APTX: variants seen among roughly 807,000 people sequenced by gnomAD.
APTX encodes the protein forkhead-associated domain histidine triad-like protein.
In APTX, 33 loss-of-function variants were observed where a neutral mutation model predicts 42.3. That is an observed-to-expected ratio of 0.78 (90% CI 0.59 to 1.04). The LOEUF (loss-of-function observed/expected upper bound fraction) is 1.04. APTX is among the 50% of genes least tolerant of loss of function. The probability of loss-of-function intolerance (pLI) is 0.00; values close to 1 mark genes in which losing one functional copy is unlikely to be tolerated. For synonymous variants in APTX, 130 were observed against 146.7 expected, an observed-to-expected ratio of 0.89 and a Z score of 0.82; for missense variants, 421 against 415.1, an observed-to-expected ratio of 1.01 and a Z score of -0.12.
chr9:32,986,115 G>C, intron 4 of APTX, 85 bp from the exon 5 acceptor site: 1 of 1,254,222 alleles, frequency 8.0e-7, no homozygotes, highest in East Asian at 2.3e-5. Context: ...TTTGGCAACA[G>C]TTAATACTGT....
At chr9:33,020,797 A>T (rs1838310721) in intron 1 of APTX, among the ~76,000 whole-genome samples, 1 of 152,226 alleles carries the variant, frequency 6.6e-6, no homozygotes, top group African/African-American at 2.4e-5. Flanking sequence ...GCCTCCAGCC[A>T]TCTCCAGCTA....
chr9:33,017,353 T>C (rs1264847357), intron 1 of APTX, among the ~76,000 whole-genome samples: 1 of 152,168 alleles, frequency 6.6e-6, no homozygotes, highest in East Asian at 1.9e-4. Flanking sequence ...TATTTCTCAT[T>C]TGTGTAAGCT....
At chr9:33,020,066 A>G in intron 1 of APTX, 1 of 394,026 alleles carries the variant, frequency 2.5e-6, no homozygotes. Context: ...CCCCCGGGGC[A>G]GCTGTGATCA....
chr9:32,990,160 C>CATTT lies in APTX; in HGVS notation c.-4-269_-4-266dup, dbSNP rs200665697. The CATTT allele has an allele frequency of 3.1e-5, 13 of 423,874 alleles. 1 individual carries two copies. The highest frequency in any genetic ancestry group is 6.5e-4 in the Middle Eastern group (1 of 1,546). The allele number at this position is 423,874 out of a possible 1,614,324, so 26.3% of individuals were successfully genotyped here. On this transcript the variant is annotated intron_variant, in intron 1 of 7. Coordinates refer to ENST00000379817, the MANE Select transcript of APTX (RefSeq NM_001195248.2). ...GCTAGGCAATCAAATATTTATTACA[C>CATTT]ATTTATTTATTTATTTATTTTATTT...
intron 1 of APTX, among the ~76,000 whole-genome samples, chr9:33,023,244 G>C (rs1000981791): frequency 1.3e-5 from 2 of 150,382 alleles, no homozygotes; most frequent in Admixed American, 6.6e-5. Flanking sequence ...TCTGAGACTC[G>C]ACAGAGTCTT....
At chr9:33,021,214 C>A (rs1355017550) in intron 1 of APTX, among the ~76,000 whole-genome samples, 3 of 149,172 alleles carry the variant, frequency 2.0e-5, no homozygotes, top group Non-Finnish European at 4.5e-5. Flanking sequence ...ACAGCAACAA[C>A]AAAAAATGCC....
At chr9:32,985,235 C>A (rs147748565) in intron 5 of APTX, among the ~76,000 whole-genome samples, 1 of 152,146 alleles carries the variant, frequency 6.6e-6, no homozygotes, top group Non-Finnish European at 1.5e-5. Context: ...GACACGTACA[C>A]GTGGGTTCCA....
chr9:32,999,465 G>A (rs879803398), intron 1 of APTX, among the ~76,000 whole-genome samples: 3 of 152,172 alleles, frequency 2.0e-5, no homozygotes, highest in Non-Finnish European at 4.4e-5. Context: ...GTTTATACAC[G>A]ACTGGAAACA....
At chr9:33,020,027 C>CGCTG (rs1838245750) in intron 1 of APTX, 1 of 400,878 alleles carries the variant, frequency 2.5e-6, no homozygotes, top group Admixed American at 4.5e-5. Flanking sequence ...GGGGGAGCTC[C>CGCTG]GCTGGCCGGA....
intron 1 of APTX, among the ~76,000 whole-genome samples, chr9:33,012,779 C>G (rs1308199739): frequency 6.6e-6 from 1 of 152,162 alleles, no homozygotes; most frequent in Non-Finnish European, 1.5e-5. Flanking sequence ...CCTTAAGTCA[C>G]CAATTTTGAG....
chr9:33,006,112 T>G (rs957571166), upstream of APTX, among the ~76,000 whole-genome samples: 19 of 151,960 alleles, frequency 1.3e-4, no homozygotes, highest in African/African-American at 4.6e-4. Context: ...CAGTTAGAAA[T>G]GAGATCTCAC....
At chr9:32,985,326 GTTTTTTT>G (rs5897530) in intron 5 of APTX, among the ~76,000 whole-genome samples, 1 of 103,078 alleles carries the variant, frequency 9.7e-6, no homozygotes, top group Non-Finnish European at 1.9e-5. Flanking sequence ...GATGATGCCT[GTTTTTTT>G]TTTTTTTTTT....
At chr9:33,001,470 AAGG>A (rs1563992441) in intron 1 of APTX, 94 bp downstream of exon 1, 49 of 1,596,120 alleles carry the variant, frequency 3.1e-5, no homozygotes, top group Non-Finnish European at 3.9e-5. Flanking sequence ...AGCGTCATTC[AAGG>A]CACATCACTC....
intron 2 of APTX, 179 bp downstream of exon 2, chr9:32,989,580 A>G (rs757585101): frequency 1.1e-6 from 1 of 932,250 alleles, no homozygotes; most frequent in East Asian, 2.5e-5. Context: ...ACATTATCAC[A>G]TTGGGAGGGC....
chr9:33,007,138 G>A, intron 1 of APTX, among the ~76,000 whole-genome samples: 1 of 151,924 alleles, frequency 6.6e-6, no homozygotes. Context: ...CTAGGTCTGT[G>A]ATCCAAACTG....
At chr9:32,975,784 G>A (rs1471356873) in intron 6 of APTX, among the ~76,000 whole-genome samples, 2 of 152,170 alleles carry the variant, frequency 1.3e-5, no homozygotes, top group African/African-American at 4.8e-5. Flanking sequence ...AGTAGAGGTC[G>A]GCTGACATTA....
rs775358517 is a variant in APTX at position 33,001,625 on chromosome 9, C to T, written c.-63G>A. The T allele has an allele frequency of 5.0e-6, 8 of 1,613,666 alleles. No homozygotes were observed. In the East Asian group the frequency reaches 1.6e-4, roughly 31 times the overall value. On this transcript the variant is annotated 5_prime_UTR_variant, in exon 1 of 8. Transcript: ENST00000379817. ...CTCATCTGTGCCTCACCGCTTCCGGCGCTGCGGGATGACGTCAGAGGCCGG... is the reference window on the plus strand; with the variant it reads ...CTCATCTGTGCCTCACCGCTTCCGGTGCTGCGGGATGACGTCAGAGGCCGG...
At chr9:32,988,157 C>T (rs368922494) in intron 2 of APTX, 28 bp from the exon 3 acceptor site, 178 of 1,606,972 alleles carry the variant, frequency 1.1e-4, no homozygotes, top group Non-Finnish European at 1.4e-4. Context: ...AAGTTAAACA[C>T]AAATGCAACA....
At chr9:32,987,253 A>T (rs1239646250) in intron 4 of APTX, among the ~76,000 whole-genome samples, 2 of 152,214 alleles carry the variant, frequency 1.3e-5, no homozygotes, top group Non-Finnish European at 2.9e-5. Context: ...GAATTACATG[A>T]TCTATGAAAA....
Sources: allele counts gnomAD v4.1 joint callset (sites outside exome capture counted in the v4.1 genomes callset), GRCh38; gene constraint gnomAD v4.1.1; transcripts MANE v1.5; gene names NCBI Gene and HGNC (gene_info 2026-07-23, HGNC 2026-07-21).